Variants in TIAM2 observed in about 807,000 individuals in gnomAD.
TIAM2 encodes the protein TIAM Rac1 associated GEF 2.
A neutral mutation model predicts 152.9 loss-of-function variants in TIAM2; 80 were observed. The observed-to-expected ratio is 0.52, with a 90% CI of 0.44 to 0.63. TIAM2 has a LOEUF of 0.63. Among genes scored for constraint, TIAM2 ranks in the 30% least tolerant of loss-of-function variants. The probability of loss-of-function intolerance (pLI) is 0.00; values close to 1 mark genes in which losing one functional copy is unlikely to be tolerated. For missense variants in TIAM2, 1,965 were observed against 2,120.1 expected (o/e 0.93, Z 1.44); for synonymous variants, 804 against 838.0 (o/e 0.96, Z 0.70).
At chr6:155,056,586 A>G (rs1223255187) in intron 1 of TIAM2, among the ~76,000 whole-genome samples, 1 of 151,804 alleles carries the variant, frequency 6.6e-6, no homozygotes, top group Non-Finnish European at 1.5e-5. Flanking sequence ...GACCAATGAT[A>G]GTATAATGAT....
At chr6:155,006,767 C>T (rs1444936660) in intron 1 of TIAM2, among the ~76,000 whole-genome samples, 4 of 151,854 alleles carry the variant, frequency 2.6e-5, no homozygotes, top group South Asian at 4.2e-4. Context: ...CGGCTCACCA[C>T]AACCTCCACC....
chr6:155,194,036 C>A (rs1042636834), intron 14 of TIAM2, among the ~76,000 whole-genome samples: 1 of 152,156 alleles, frequency 6.6e-6, no homozygotes, highest in Non-Finnish European at 1.5e-5. Flanking sequence ...AGGGCTGTTC[C>A]GATACATATG....
chr6:155,198,204 C>T (rs948750134), intron 14 of TIAM2, among the ~76,000 whole-genome samples: 11 of 152,210 alleles, frequency 7.2e-5, no homozygotes, highest in African/African-American at 1.9e-4. Flanking sequence ...CTTGCAATAT[C>T]GCTCACTGTG....
intron 15 of TIAM2, among the ~76,000 whole-genome samples, chr6:155,233,664 TAACATTAAA>T (rs1007120020): frequency 5.9e-5 from 9 of 152,162 alleles, no homozygotes; most frequent in Non-Finnish European, 1.2e-4. Context: ...AACCTTAGTA[TAACATTAAA>T]AACCTGAACT....
intron 1 of TIAM2, among the ~76,000 whole-genome samples, chr6:155,047,186 CTTTT>C (rs1562299898): frequency 6.6e-6 from 1 of 152,048 alleles, no homozygotes; most frequent in Non-Finnish European, 1.5e-5. Context: ...TTTTATTTTA[CTTTT>C]TTGAGATGGG....
chr6:155,129,068 T>G lies in TIAM2; in HGVS notation c.-6-150T>G. On this transcript the variant is annotated intron_variant, in intron 3 of 26. Coordinates refer to ENST00000682666, the MANE Select transcript of TIAM2 (RefSeq NM_012454.4). The surrounding 1 kb of genome is among the most constrained non-coding windows in gnomAD (Gnocchi z 4.8). ...GCCTTGCAAAATAAGGAGAGCCTGT[T>G]CTACTGACTGACTCTTGTCCCTACT... The G allele has an allele frequency of 1.5e-6, 1 of 671,840 alleles. No individual in the cohort carries two copies. The highest frequency in any genetic ancestry group is 2.0e-5 in the South Asian group (1 of 50,616). The allele number at this position is 671,840 out of a possible 1,614,324, so 41.6% of individuals were successfully genotyped here.
At chr6:155,166,748 T>G (rs1780449303) in intron 9 of TIAM2, among the ~76,000 whole-genome samples, 1 of 152,252 alleles carries the variant, frequency 6.6e-6, no homozygotes, top group Non-Finnish European at 1.5e-5. Context: ...TATTTCATGA[T>G]GCAGGTGCAT....
chr6:155,128,865 TCAAAAAAAAAG>T (rs1231461361), intron 3 of TIAM2, among the ~76,000 whole-genome samples: 4 of 151,676 alleles, frequency 2.6e-5, no homozygotes, highest in African/African-American at 4.8e-5. Flanking sequence ...AGACTCTGTC[TCAAAAAAAAAG>T]CAAAAAAAAA....
At chr6:155,175,409 A>G (rs1453833036) in intron 9 of TIAM2, among the ~76,000 whole-genome samples, 1 of 152,236 alleles carries the variant, frequency 6.6e-6, no homozygotes, top group East Asian at 1.9e-4. Context: ...TCACCCATTA[A>G]TGATAACTTT....
chr6:155,009,179 G>A lies in TIAM2; in HGVS notation c.-209+13687G>A, dbSNP rs540348352. 1.3e-3 allele frequency among the ~76,000 whole-genome samples: 175 copies of A among 137,472 alleles called. 1 individual carries two copies. Among genetic ancestry groups the A allele is most frequent in the Middle Eastern group, 4.5e-3 (1 of 222 alleles). The allele number at this position is 137,472 out of a possible 152,430, so 90.2% of individuals were successfully genotyped here. A position where few individuals can be genotyped will look rare whatever the true frequency, so the allele number is the denominator to read the frequency against. On this transcript the variant is annotated intron_variant, in intron 1 of 26. Coordinates refer to ENST00000682666, the MANE Select transcript of TIAM2 (RefSeq NM_012454.4). ...TGTAGTGGTACAATCTTGGCTCACT[G>A]CAGCCTCCACCTCCAGGGTTCGGGC...
Position 155,182,319 on chromosome 6 carries a change from G to T in TIAM2, c.2800+1G>T, listed in dbSNP as rs754604569. 38 of 1,613,600 alleles carry T rather than the reference G, an allele frequency of 2.4e-5. No homozygotes were observed. Among genetic ancestry groups the T allele is most frequent in the Non-Finnish European group, 3.2e-5 (38 of 1,179,522 alleles). On this transcript the variant is annotated splice_donor_variant, in intron 13 of 26. Coordinates refer to ENST00000682666, the MANE Select transcript of TIAM2 (RefSeq NM_012454.4). LOFTEE classifies it high-confidence loss of function. ...CCCGATGGCCTGGCGTATGGGGAAG[G>T]TCCGTGTGGCACACCGTGCCCCTGT...
chr6:154,997,305 C>T (rs1274987033), intron 1 of TIAM2, among the ~76,000 whole-genome samples: 2 of 152,226 alleles, frequency 1.3e-5, no homozygotes, highest in African/African-American at 4.8e-5. Context: ...CTCCAGTAGT[C>T]AGTGCTTCTA....
At chr6:155,013,917 T>TACAC (rs3082347) in intron 1 of TIAM2, 39,999 of 145,208 alleles carry the variant, frequency 0.28, 6,035 homozygotes, top group East Asian at 0.58. Context: ...TGTATCTGTC[T>TACAC]ACACACACAC....
chr6:155,175,888 C>T (rs997490578), intron 9 of TIAM2, among the ~76,000 whole-genome samples: 2 of 152,132 alleles, frequency 1.3e-5, no homozygotes, highest in Non-Finnish European at 2.9e-5. Context: ...CCAACAGTGT[C>T]TATGTGTGAG....
At chr6:155,119,181 C>A (rs1032794680) in intron 2 of TIAM2, among the ~76,000 whole-genome samples, 1 of 150,760 alleles carries the variant, frequency 6.6e-6, no homozygotes, top group Non-Finnish European at 1.5e-5. Context: ...ATTACAGGTG[C>A]CTGCCACCAC....
chr6:155,182,403 T>A, intron 13 of TIAM2, 85 bp downstream of exon 13: 1 of 1,212,656 alleles, frequency 8.2e-7, no homozygotes, highest in Non-Finnish European at 1.2e-6. Context: ...CTTCTTACAG[T>A]TTTGTCAGAA....
intron 1 of TIAM2, among the ~76,000 whole-genome samples, chr6:155,081,446 C>T (rs368728380): frequency 4.0e-5 from 6 of 151,054 alleles, no homozygotes; most frequent in Non-Finnish European, 8.8e-5. Flanking sequence ...CCATAACATG[C>T]CACTTTTCAG....
intron 3 of TIAM2, among the ~76,000 whole-genome samples, chr6:155,128,921 G>A (rs1298857413): frequency 6.6e-6 from 1 of 152,080 alleles, no homozygotes; most frequent in African/African-American, 2.4e-5. Flanking sequence ...GCCTGAAGCA[G>A]ATCTTTCTCA....
At chr6:155,037,590 G>A (rs1461361008) in intron 1 of TIAM2, among the ~76,000 whole-genome samples, 2 of 151,966 alleles carry the variant, frequency 1.3e-5, no homozygotes, top group Admixed American at 6.6e-5. Flanking sequence ...GTGCAGTGGC[G>A]CAATCTCTGC....
Sources: gnomAD v4.1 joint callset for allele counts (sites outside exome capture counted in the v4.1 genomes callset) on GRCh38, gnomAD v4.1.1 for gene constraint, Gnocchi (gnomAD v3.1) non-coding constraint, MANE v1.5 for transcripts, NCBI Gene and HGNC (gene_info 2026-07-23, HGNC 2026-07-21) for gene names.